The following HIBADH variants were observed in gnomAD, a reference collection of about 807,000 sequenced individuals.
The protein encoded by HIBADH is 3-hydroxyisobutyrate dehydrogenase, mitochondrial.
A neutral mutation model predicts 36.1 loss-of-function variants in HIBADH; 25 were observed. That is an observed-to-expected ratio of 0.69 (90% CI 0.50 to 0.97). The LOEUF (loss-of-function observed/expected upper bound fraction) is 0.97, where lower values mean the gene tolerates loss of function less well. Among genes scored for constraint, HIBADH ranks in the 50% least tolerant of loss-of-function variants. The pLI is 0.00. For missense variants in HIBADH, 421 were observed against 418.0 expected (o/e 1.01, Z -0.06); for synonymous variants, 160 against 149.5 (o/e 1.07, Z -0.51).
At chr7:27,529,930 C>T (rs945156125) in intron 7 of HIBADH, among the ~76,000 whole-genome samples, 1 of 152,188 alleles carries the variant, frequency 6.6e-6, no homozygotes, top group Non-Finnish European at 1.5e-5. Context: ...AACCTCAAGG[C>T]AAGACCTTCC....
intron 4 of HIBADH, among the ~76,000 whole-genome samples, chr7:27,584,085 A>G (rs188359339): frequency 1.3e-5 from 2 of 152,166 alleles, no homozygotes; most frequent in Admixed American, 1.3e-4. Context: ...ATGCAGTTTA[A>G]AAAAGTAAGA....
At chr7:27,629,278 ATAAC>A (rs1293575990) in intron 4 of HIBADH, 89 bp downstream of exon 4, 1 of 1,241,380 alleles carries the variant, frequency 8.1e-7, no homozygotes, top group Non-Finnish European at 1.1e-6. Flanking sequence ...AAGTCTAAAA[ATAAC>A]TACTACAAAA....
At chr7:27,604,696 A>T (rs1785189515) in intron 4 of HIBADH, among the ~76,000 whole-genome samples, 1 of 152,158 alleles carries the variant, frequency 6.6e-6, no homozygotes, top group African/African-American at 2.4e-5. Flanking sequence ...GACTACTTTC[A>T]AAAGTGAAAT....
intron 4 of HIBADH, among the ~76,000 whole-genome samples, chr7:27,582,413 T>A (rs953319177): frequency 3.3e-5 from 5 of 152,160 alleles, no homozygotes; most frequent in Admixed American, 1.3e-4. Context: ...CATATTACCT[T>A]GCTATAATTC....
chr7:27,651,934 T>C (rs1786203011), intron 1 of HIBADH, among the ~76,000 whole-genome samples: 1 of 152,070 alleles, frequency 6.6e-6, no homozygotes, highest in Non-Finnish European at 1.5e-5. Context: ...AGGGGTAGGA[T>C]TTCAAATGGA....
intron 4 of HIBADH, among the ~76,000 whole-genome samples, chr7:27,627,545 T>G (rs1785670772): frequency 6.6e-6 from 1 of 152,212 alleles, no homozygotes; most frequent in Non-Finnish European, 1.5e-5. Context: ...CAATCAAACC[T>G]AGTGGTCCTA....
At chr7:27,529,276 T>C (rs1046144569) in intron 7 of HIBADH, among the ~76,000 whole-genome samples, 1 of 152,214 alleles carries the variant, frequency 6.6e-6, no homozygotes, top group African/African-American at 2.4e-5. Flanking sequence ...TCAACTCTTA[T>C]GTGAGAAGTA....
chr7:27,660,235 A>G (rs925926659), intron 1 of HIBADH, among the ~76,000 whole-genome samples: 1 of 152,236 alleles, frequency 6.6e-6, no homozygotes, highest in African/African-American at 2.4e-5. Flanking sequence ...CTATCTGAAC[A>G]TGGTTCTTTT....
At chr7:27,641,424 A>T (rs1204702931) in intron 2 of HIBADH, among the ~76,000 whole-genome samples, 1 of 152,220 alleles carries the variant, frequency 6.6e-6, no homozygotes, top group African/African-American at 2.4e-5. Context: ...GTCCTTAAAA[A>T]TGTATGAGTC....
chr7:27,575,729 T>C (rs1212031731), intron 4 of HIBADH, among the ~76,000 whole-genome samples: 5 of 152,170 alleles, frequency 3.3e-5, no homozygotes, highest in Non-Finnish European at 7.4e-5. Context: ...CATGTGCACA[T>C]GTTGTTTTTT....
intron 4 of HIBADH, among the ~76,000 whole-genome samples, chr7:27,563,284 C>T (rs559893587): frequency 1.4e-3 from 217 of 152,254 alleles, no homozygotes; most frequent in African/African-American, 4.9e-3. Flanking sequence ...GGAGGTTACA[C>T]GGTTTGTTTA....
At chr7:27,554,693 G>A (rs1784366217) in intron 4 of HIBADH, among the ~76,000 whole-genome samples, 2 of 152,190 alleles carry the variant, frequency 1.3e-5, no homozygotes, top group Non-Finnish European at 2.9e-5. Flanking sequence ...AGAGGGAAGA[G>A]AGTAAGAAGA....
At chr7:27,576,466 A>G (rs1784712088) in intron 4 of HIBADH, among the ~76,000 whole-genome samples, 1 of 152,226 alleles carries the variant, frequency 6.6e-6, no homozygotes, top group Admixed American at 6.5e-5. Flanking sequence ...TCATAATTAG[A>G]AAAATCCACA....
chr7:27,649,445 T>G (rs747757960), intron 2 of HIBADH, 28 bp downstream of exon 2: 9 of 1,549,030 alleles, frequency 5.8e-6, no homozygotes, highest in Middle Eastern at 1.7e-4. Context: ...TCTCAAAATC[T>G]AAAACAAATC....
intron 4 of HIBADH, among the ~76,000 whole-genome samples, chr7:27,608,346 A>G (rs1785266245): frequency 6.6e-6 from 1 of 152,222 alleles, no homozygotes; most frequent in African/African-American, 2.4e-5. Flanking sequence ...TGAAGGAAAG[A>G]TGACTACTAT....
intron 1 of HIBADH, among the ~76,000 whole-genome samples, chr7:27,649,860 C>T (rs1266002500): frequency 2.0e-5 from 3 of 151,060 alleles, no homozygotes; most frequent in African/African-American, 7.3e-5. Context: ...CAGTGAGATC[C>T]CATCTCAAAA....
intron 4 of HIBADH, among the ~76,000 whole-genome samples, chr7:27,589,052 C>T (rs1181758581): frequency 6.6e-6 from 1 of 152,142 alleles, no homozygotes; most frequent in Non-Finnish European, 1.5e-5. Flanking sequence ...TCTGCATTTG[C>T]AGGGACAAAT....
chr7:27,578,466 C>G (rs1308952107), intron 4 of HIBADH, among the ~76,000 whole-genome samples: 3 of 152,198 alleles, frequency 2.0e-5, no homozygotes, highest in Middle Eastern at 3.4e-3. Context: ...AGGCGCCCAC[C>G]ACCACACCTG....
In HIBADH at chr7:27,559,471, A is replaced by G. The variant is rs150057581; in HGVS notation, c.485-16371T>C. 1.0e-3 allele frequency among the ~76,000 whole-genome samples: 158 copies of G among 152,246 alleles called. No individual in the cohort carries two copies. The East Asian group carries it at 0.026, about 25-fold the overall frequency. On this transcript the variant is annotated intron_variant, in intron 4 of 7. Coordinates refer to ENST00000265395, the MANE Select transcript of HIBADH (RefSeq NM_152740.4). Reference sequence around the variant, plus strand: ...ATCTCATCTCTAGAAAAAATTTAAAAAATAAAGAAAATTAGCCAGGTGTGG... The same window carrying G: ...ATCTCATCTCTAGAAAAAATTTAAAGAATAAAGAAAATTAGCCAGGTGTGG...
Sources: gnomAD v4.1 joint callset for allele counts (sites outside exome capture counted in the v4.1 genomes callset) on GRCh38, gnomAD v4.1.1 for gene constraint, MANE v1.5 for transcripts, NCBI Gene and HGNC (gene_info 2026-07-23, HGNC 2026-07-21) for gene names.